The following COL22A1 variants were observed in gnomAD, a reference collection of about 807,000 sequenced individuals.
COL22A1 encodes the protein collagen alpha-1(XXII) chain.
In COL22A1, 221 loss-of-function variants were observed where a neutral mutation model predicts 248.9. The observed-to-expected ratio is 0.89, with a 90% confidence interval of 0.80 to 0.99. The LOEUF (loss-of-function observed/expected upper bound fraction) is 0.99. Ranked by LOEUF, COL22A1 falls within the 50% of genes least tolerant of loss-of-function variation. The probability of loss-of-function intolerance (pLI) is 0.00; values close to 1 mark genes in which losing one functional copy is unlikely to be tolerated. For synonymous variants in COL22A1, 891 were observed against 793.4 expected, an observed-to-expected ratio of 1.12 and a Z score of -2.07; for missense variants, 2,240 against 2,179.0, an observed-to-expected ratio of 1.03 and a Z score of -0.56.
At chr8:138,815,493 C>A (rs1818605638) in intron 7 of COL22A1, among the ~76,000 whole-genome samples, 1 of 152,198 alleles carries the variant, frequency 6.6e-6, no homozygotes, top group Non-Finnish European at 1.5e-5. Flanking sequence ...TTTCCTTCAG[C>A]CACATTGGTT....
rs1022479618 is a variant in COL22A1 at position 138,708,447 on chromosome 8, C to A, written c.2518-5100G>T. Among the ~76,000 whole-genome samples the A allele has an allele frequency of 3.3e-5, 5 of 152,120 alleles. No individual in the cohort carries two copies. In the South Asian group the frequency reaches 6.2e-4, roughly 19 times the overall value. ...CTGGTACCAAAACGGAGATATAGAC[C>A]AATGGAACAGAACAGAGCCCTCAGA... On this transcript the variant is annotated intron_variant, in intron 30 of 64. Coordinates refer to ENST00000303045, the MANE Select transcript of COL22A1 (RefSeq NM_152888.3).
rs1814660852 is a variant in COL22A1, at chr8:138,778,335, A to G, written c.1758+18T>C. 1 of 1,614,094 alleles carries G rather than the reference A, an allele frequency of 6.2e-7. No individual in the cohort carries two copies. Among genetic ancestry groups the G allele is most frequent in the African/African-American group, 1.3e-5 (1 of 75,058 alleles). On this transcript the variant is annotated intron_variant, in intron 15 of 64. Transcript: ENST00000303045. ...GAGAAGGGGTAGAACCCCTGCCCAG[A>G]CAAGTGCCTTCACTTACAGGAGCTC...
intron 3 of COL22A1, among the ~76,000 whole-genome samples, chr8:138,863,083 G>A (rs1190183748): frequency 6.6e-6 from 1 of 152,190 alleles, no homozygotes; most frequent in Non-Finnish European, 1.5e-5. Context: ...CTGGGTCTCA[G>A]GAGTTAAGAT....
chr8:138,707,281 A>C (rs1465808199), intron 30 of COL22A1, among the ~76,000 whole-genome samples: 1 of 152,200 alleles, frequency 6.6e-6, no homozygotes, highest in African/African-American at 2.4e-5. Flanking sequence ...TCCCTAATTC[A>C]TTTTATGAGG....
At chr8:138,615,412 T>A (rs967091638) in intron 55 of COL22A1, among the ~76,000 whole-genome samples, 1 of 151,676 alleles carries the variant, frequency 6.6e-6, no homozygotes, top group Non-Finnish European at 1.5e-5. Flanking sequence ...GTGCCTCTAG[T>A]CCCAGTTACT....
chr8:138,788,057 T>C (rs971123863), intron 12 of COL22A1, among the ~76,000 whole-genome samples: 6 of 152,218 alleles, frequency 3.9e-5, no homozygotes. Flanking sequence ...TTCATCCATT[T>C]GGTAGGCCCT....
intron 23 of COL22A1, among the ~76,000 whole-genome samples, chr8:138,727,501 A>G (rs1192941288): frequency 6.6e-6 from 1 of 152,176 alleles, no homozygotes; most frequent in South Asian, 2.1e-4. Context: ...TCCTGAATTG[A>G]GCCAGAAGCC....
intron 52 of COL22A1, chr8:138,620,136 C>T (rs971062914): frequency 6.6e-6 from 1 of 152,638 alleles, no homozygotes; most frequent in African/African-American, 2.4e-5. Flanking sequence ...TGCACAGAAC[C>T]AAACCAGGAA....
Position 138,596,941 on chromosome 8 carries a change from A to T in COL22A1, c.4395T>A (p.Arg1465=). Residue 1465 remains arginine, a synonymous_variant, in exon 62 of 65, where the codon CGT becomes CGA. Coordinates refer to ENST00000303045, the MANE Select transcript of COL22A1 (RefSeq NM_152888.3). ...TCCCCAGCTCTTCTTGAATAAGCCG[A>T]CGCAGGGTTTCCATGGATGGAGACT... ...RGESPSMETL[R]RLIQEELGKQ... 6.2e-7 allele frequency: 1 copy of T among 1,614,066 alleles called. No individual in the cohort carries two copies. The highest frequency in any genetic ancestry group is 8.5e-7 in the Non-Finnish European group (1 of 1,179,962).
At chr8:138,880,256 A>T (rs183809424) in intron 2 of COL22A1, among the ~76,000 whole-genome samples, 71 of 152,342 alleles carry the variant, frequency 4.7e-4, no homozygotes, top group Middle Eastern at 3.4e-3. Context: ...CAGCATGGAT[A>T]CACTTTTCCA....
chr8:138,801,179 C>T (rs1017778261), intron 11 of COL22A1, among the ~76,000 whole-genome samples: 2 of 151,972 alleles, frequency 1.3e-5, no homozygotes, highest in Non-Finnish European at 2.9e-5. Flanking sequence ...TGAAGCACAG[C>T]CAAGTGAGCA....
At chr8:138,890,358 G>A (rs561399640) in intron 1 of COL22A1, among the ~76,000 whole-genome samples, 1 of 152,274 alleles carries the variant, frequency 6.6e-6, no homozygotes, top group South Asian at 2.1e-4. Context: ...CATGCTACTG[G>A]AAGTTCTAGC....
intron 30 of COL22A1, 87 bp downstream of exon 30, chr8:138,715,595 T>C (rs1829367519): frequency 1.4e-6 from 1 of 701,682 alleles, no homozygotes; most frequent in Non-Finnish European, 2.3e-6. Flanking sequence ...AAAAAAAAGA[T>C]AGAGTATATT....
intron 49 of COL22A1, 54 bp from the exon 50 acceptor site, chr8:138,630,802 T>C (rs980400308): frequency 1.4e-6 from 2 of 1,455,434 alleles, no homozygotes; most frequent in African/African-American, 2.8e-5. Context: ...CAGAGGTCAT[T>C]AGCACCCTCT....
chr8:138,913,743 CT>C lies in COL22A1; in HGVS notation c.-198del, dbSNP rs1214883286. The C allele has an allele frequency of 2.6e-5, 4 of 152,850 alleles. No homozygotes were observed. The highest frequency in any genetic ancestry group is 6.5e-5 in the Admixed American group (1 of 15,288). 9.5% of individuals were successfully genotyped at this position (152,850 alleles called of 1,614,324 possible). Reference sequence around the variant, plus strand: ...CCTCCTGGGGGTCACCTGTCAGCCACTCGCCCACTCTCCCCCAAATAATCTC... The same window carrying C: ...CCTCCTGGGGGTCACCTGTCAGCCACCGCCCACTCTCCCCCAAATAATCTC... On this transcript the variant is annotated 5_prime_UTR_variant, in exon 1 of 65. Transcript: ENST00000303045.
Position 138,694,729 on chromosome 8 carries a change from T to C in COL22A1, c.2646+97A>G. ...CCTTCCATTCAGTGTGGCTCCTGGG[T>C]GTGGAATGCACGGTGCAGATCTACA... is the stretch of plus-strand genomic sequence containing the variant. On this transcript the variant is annotated intron_variant, in intron 33 of 64. Transcript: ENST00000303045. 2.1e-6 allele frequency: 3 copies of C among 1,449,730 alleles called. No individual in the cohort carries two copies. In the South Asian group the frequency reaches 3.7e-5, roughly 18 times the overall value. 89.8% of individuals were successfully genotyped at this position (1,449,730 alleles called of 1,614,324 possible).
intron 57 of COL22A1, among the ~76,000 whole-genome samples, chr8:138,606,781 T>C (rs961037450): frequency 6.6e-6 from 1 of 152,210 alleles, no homozygotes; most frequent in Non-Finnish European, 1.5e-5. Context: ...TGAGATGGCA[T>C]ACCACTGCCC....
At chr8:138,855,737 T>C (rs1821960336) in intron 3 of COL22A1, among the ~76,000 whole-genome samples, 1 of 152,184 alleles carries the variant, frequency 6.6e-6, no homozygotes, top group Non-Finnish European at 1.5e-5. Flanking sequence ...CTTTACTCAT[T>C]AGATTAGGGC....
chr8:138,780,410 T>C (rs1224807250), intron 13 of COL22A1, among the ~76,000 whole-genome samples: 2 of 152,182 alleles, frequency 1.3e-5, no homozygotes, highest in Admixed American at 1.3e-4. Context: ...ACTTGGATGC[T>C]TGGTGGAGAG....
Sources: gnomAD v4.1 joint callset for allele counts (sites outside exome capture counted in the v4.1 genomes callset) on GRCh38, gnomAD v4.1.1 for gene constraint, MANE v1.5 for transcripts, NCBI Gene and HGNC (gene_info 2026-07-23, HGNC 2026-07-21) for gene names.